PRRC1: variants seen among roughly 807,000 people sequenced by gnomAD.
PRRC1 encodes the protein protein PRRC1.
In PRRC1, 39 loss-of-function variants were observed where a neutral mutation model predicts 40.7. The ratio of observed to expected loss-of-function variants is 0.96; its 90% confidence interval spans 0.74 to 1.25. The LOEUF (loss-of-function observed/expected upper bound fraction) is 1.25. Ranked by LOEUF, PRRC1 falls within the 50% of genes most tolerant of loss-of-function variation. PRRC1 has a pLI of 0.00. For missense variants in PRRC1, 573 were observed against 548.3 expected, an observed-to-expected ratio of 1.05 and a Z score of -0.45; for synonymous variants, 175 against 193.3, an observed-to-expected ratio of 0.91 and a Z score of 0.79.
Position 127,524,847 on chromosome 5 carries a change from C to G in PRRC1, c.420C>G (p.Asp140Glu). 3.7e-6 allele frequency: 6 copies of G among 1,614,206 alleles called. No individual in the cohort carries two copies. Among genetic ancestry groups the G allele is most frequent in the Non-Finnish European group, 5.1e-6 (6 of 1,180,026 alleles). Reference protein sequence around the residue: ...ISGFSVGSTYDITRGHAGRAP... With the variant: ...ISGFSVGSTYEITRGHAGRAP... ...GATTTTCTGTTGGTTCAACTTATGA[C>G]ATTACAAGGGGACATGCTGGGAGAG... The change falls in exon 3 of 9, where the codon GAC (aspartate) becomes GAG (glutamate). Residue 140 changes from aspartate (D) to glutamate (E), a missense_variant. Transcript: ENST00000296666.
chr5:127,528,906 A>G (rs367712534), intron 4 of PRRC1, among the ~76,000 whole-genome samples: 18 of 152,254 alleles, frequency 1.2e-4, no homozygotes, highest in African/African-American at 4.3e-4. Context: ...TGGCCTCTGT[A>G]TTCTAGTCCA....
At chr5:127,543,979 C>CT (rs1418469770) in intron 7 of PRRC1, among the ~76,000 whole-genome samples, 1 of 151,176 alleles carries the variant, frequency 6.6e-6, no homozygotes, top group Admixed American at 6.6e-5. Flanking sequence ...TTTTTCTGCT[C>CT]TGTTTTTTCC....
Position 127,539,237 on chromosome 5 carries a change from C to T in PRRC1, c.1025+94C>T. The T allele has an allele frequency of 3.5e-6, 3 of 864,354 alleles. No homozygotes were observed. In the South Asian group the frequency reaches 4.6e-5, roughly 13 times the overall value. The allele number at this position is 864,354 out of a possible 1,614,324, so 53.5% of individuals were successfully genotyped here. On this transcript the variant is annotated intron_variant, in intron 7 of 8. Transcript: ENST00000296666. ...CAAAAAGTGTCTCCTGTTTTATAAC[C>T]AGAGAGAAAAGTATATTTTGATGCT...
intron 6 of PRRC1, among the ~76,000 whole-genome samples, chr5:127,536,336 T>G (rs1767901112): frequency 6.6e-6 from 1 of 152,044 alleles, no homozygotes; most frequent in South Asian, 2.1e-4. Context: ...TAAGTATGTA[T>G]ACATGATAAT....
rs974640844 is a variant in PRRC1, at chr5:127,553,733, C to T, written c.*1817C>T. The T allele has an allele frequency of 7.3e-6, 11 of 1,513,448 alleles. No individual in the cohort carries two copies. The African/African-American group carries it at 1.3e-4, about 17-fold the overall frequency. The allele number at this position is 1,513,448 out of a possible 1,614,324, so 93.8% of individuals were successfully genotyped here. A position where few individuals can be genotyped will look rare whatever the true frequency, so the allele number is the denominator to read the frequency against. ...CTTTGATTTTTATTTTACCAAGTCA[C>T]AAATGTCTTTTTGATGTTTTGAGAA... On this transcript the variant is annotated 3_prime_UTR_variant, in exon 9 of 9. Coordinates refer to ENST00000296666, the MANE Select transcript of PRRC1 (RefSeq NM_130809.5).
intron 1 of PRRC1, 125 bp from the exon 2 acceptor site, chr5:127,523,335 A>G: frequency 4.1e-6 from 2 of 488,022 alleles, no homozygotes; most frequent in East Asian, 6.3e-5. Flanking sequence ...AATAAGTTGC[A>G]TTATAAACAG....
rs756557493 is a variant in PRRC1 at position 127,552,069 on chromosome 5, T to C, written c.*153T>C. 3.8e-5 allele frequency: 55 copies of C among 1,439,634 alleles called. No individual in the cohort carries two copies. Among genetic ancestry groups the C allele is most frequent in the Non-Finnish European group, 4.9e-5 (54 of 1,098,204 alleles). 89.2% of individuals were successfully genotyped at this position (1,439,634 alleles called of 1,614,324 possible). Reference sequence around the variant, plus strand: ...CAATTTTTCTTTCTCTAGAAAGGCATCATGTCATTCCAGGAGACAAAAAGA... The same window carrying C: ...CAATTTTTCTTTCTCTAGAAAGGCACCATGTCATTCCAGGAGACAAAAAGA... On this transcript the variant is annotated 3_prime_UTR_variant, in exon 9 of 9. Transcript: ENST00000296666.
Position 127,530,301 on chromosome 5 carries a change from C to T in PRRC1, c.662C>T (p.Ala221Val). The T allele has an allele frequency of 6.2e-7, 1 of 1,613,356 alleles. No homozygotes were observed. Among genetic ancestry groups the T allele is most frequent in the Non-Finnish European group, 8.5e-7 (1 of 1,179,500 alleles). The change falls in exon 5 of 9, where the codon GCT (alanine) becomes GTT (valine). Residue 221 changes from alanine (A) to valine (V), a missense_variant. Transcript: ENST00000296666. ...GGIWGFIKGVAGNPMVKSVLD... is the reference protein window; with the variant it reads ...GGIWGFIKGVVGNPMVKSVLD... The stretch of plus-strand genomic sequence containing the variant: ...TTGATTTGTTTTATGCAGGGTGTGG[C>T]TGGGAATCCTATGGTGAAGTCTGTG...
chr5:127,523,158 T>C (rs1448650328), intron 1 of PRRC1, among the ~76,000 whole-genome samples: 1 of 152,146 alleles, frequency 6.6e-6, no homozygotes, highest in Non-Finnish European at 1.5e-5. Context: ...GAAATCAAAT[T>C]AGTAATTTAC....
At chr5:127,519,442 A>C (rs761297886) in intron 1 of PRRC1, among the ~76,000 whole-genome samples, 1 of 152,178 alleles carries the variant, frequency 6.6e-6, no homozygotes, top group Non-Finnish European at 1.5e-5. Flanking sequence ...TCCACTCTTT[A>C]TATGAAAACC....
Position 127,552,977 on chromosome 5 carries a change from C to T in PRRC1, c.*1061C>T, listed in dbSNP as rs1768431673. The T allele has an allele frequency of 1.2e-6, 1 of 811,282 alleles. No individual in the cohort carries two copies. The highest frequency in any genetic ancestry group is 6.5e-4 in the Middle Eastern group (1 of 1,532). 50.3% of individuals were successfully genotyped at this position (811,282 alleles called of 1,614,324 possible). The stretch of plus-strand genomic sequence containing the variant: ...CTACTGTATTTCTATTTCGTGGAAG[C>T]CTTTTCCCCTCAAATAATATATTAT... On this transcript the variant is annotated 3_prime_UTR_variant, in exon 9 of 9. Transcript: ENST00000296666.
chr5:127,537,850 ATCT>A (rs1378898956), intron 6 of PRRC1, among the ~76,000 whole-genome samples: 1 of 152,026 alleles, frequency 6.6e-6, no homozygotes, highest in Admixed American at 6.6e-5. Context: ...AACTAAGTTC[ATCT>A]TATCTGTTAA....
At chr5:127,548,154 A>G in intron 8 of PRRC1, 1 of 550,490 alleles carries the variant, frequency 1.8e-6, no homozygotes, top group Non-Finnish European at 3.2e-6. Context: ...TACATGGTTA[A>G]TCATTATTTC....
In PRRC1 at chr5:127,551,736, T is replaced by A. The variant is rs769774828; in HGVS notation, c.1158T>A (p.Asn386Lys). 6.2e-7 allele frequency: 1 copy of A among 1,614,136 alleles called. No homozygotes were observed. ...AAAGTCTAACTCCCCAGGACTATAATCTGAGGTGGTCAGGCCTTTTGGTGA... is the reference window on the plus strand; with the variant it reads ...AAAGTCTAACTCCCCAGGACTATAAACTGAGGTGGTCAGGCCTTTTGGTGA... ...QAQSLTPQDYNLRWSGLLVTV... is the reference protein window; with the variant it reads ...QAQSLTPQDYKLRWSGLLVTV... The change falls in exon 9 of 9, where the codon AAT becomes AAA. Residue 386 changes from asparagine (N) to lysine (K), a missense_variant. Asn to Lys is a moderately conservative substitution (Grantham distance 94). Coordinates refer to ENST00000296666, the MANE Select transcript of PRRC1 (RefSeq NM_130809.5).
intron 7 of PRRC1, among the ~76,000 whole-genome samples, chr5:127,545,695 G>T (rs1768197326): frequency 6.6e-6 from 1 of 150,906 alleles, no homozygotes; most frequent in Non-Finnish European, 1.5e-5. Context: ...TGAATTAATG[G>T]GTGCAGCACA....
chr5:127,518,372 G>C (rs1561676606), intron 1 of PRRC1, among the ~76,000 whole-genome samples: 1 of 152,224 alleles, frequency 6.6e-6, no homozygotes. Flanking sequence ...TCGTTTCTTT[G>C]TTTGGTCTTG....
At chr5:127,534,147 T>C (rs1418901278) in intron 6 of PRRC1, among the ~76,000 whole-genome samples, 2 of 152,200 alleles carry the variant, frequency 1.3e-5, no homozygotes, top group Non-Finnish European at 2.9e-5. Context: ...TGCTTAAAAA[T>C]ATGTAAGTTC....
chr5:127,532,097 T>G (rs1168734921), intron 5 of PRRC1, among the ~76,000 whole-genome samples: 1 of 151,762 alleles, frequency 6.6e-6, no homozygotes, highest in Non-Finnish European at 1.5e-5. Flanking sequence ...AAAGTAAATC[T>G]TAAGGTTTTT....
At chr5:127,551,646 A>G in intron 8 of PRRC1, 61 bp from the exon 9 acceptor site, 1 of 1,499,960 alleles carries the variant, frequency 6.7e-7, no homozygotes, top group Non-Finnish European at 9.2e-7. Flanking sequence ...TGTCACTTAT[A>G]GCTAGTTCCA....
Sources: gnomAD v4.1 joint callset for allele counts (sites outside exome capture counted in the v4.1 genomes callset) on GRCh38, gnomAD v4.1.1 for gene constraint, MANE v1.5 for transcripts, NCBI Gene and HGNC (gene_info 2026-07-23, HGNC 2026-07-21) for gene names.